STPG2: variants seen among roughly 807,000 people sequenced by gnomAD.
STPG2 encodes sperm-tail PG-rich repeat-containing protein 2.
A neutral mutation model predicts 54.2 loss-of-function variants in STPG2; 56 were observed. The ratio of observed to expected loss-of-function variants is 1.03; its 90% CI spans 0.83 to 1.29. The LOEUF is 1.29. STPG2 is among the 50% of genes most tolerant of loss of function. STPG2 has a pLI of 0.00. For missense variants in STPG2, 596 were observed against 544.9 expected, an observed-to-expected ratio of 1.09 and a Z score of -0.93; for synonymous variants, 200 against 181.8, an observed-to-expected ratio of 1.10 and a Z score of -0.81.
chr4:97,958,294 A>G (rs556140925), intron 7 of STPG2, among the ~76,000 whole-genome samples: 2 of 149,444 alleles, frequency 1.3e-5, no homozygotes, highest in Admixed American at 1.3e-4. Context: ...TGAGTGAGAG[A>G]GTGAGGATGT....
intron 9 of STPG2, among the ~76,000 whole-genome samples, chr4:97,840,251 T>C (rs1728755512): frequency 6.6e-6 from 1 of 151,580 alleles, no homozygotes; most frequent in Non-Finnish European, 1.5e-5. Context: ...CAGGGTAAAG[T>C]GCCTTTCTCC....
At chr4:97,763,599 G>A (rs181954527) in intron 9 of STPG2, among the ~76,000 whole-genome samples, 20 of 152,082 alleles carry the variant, frequency 1.3e-4, no homozygotes, top group Middle Eastern at 3.4e-3. Flanking sequence ...CCTATTGTCC[G>A]GGCATCATTA....
At chr4:97,443,836 C>CA (rs1160640455) in intron 4 of STPG2, among the ~76,000 whole-genome samples, 1 of 152,024 alleles carries the variant, frequency 6.6e-6, no homozygotes, top group South Asian at 2.1e-4. Context: ...GAGATATAAT[C>CA]AAAAAACAGA....
intron 6 of STPG2, among the ~76,000 whole-genome samples, chr4:97,975,002 A>G (rs771123697): frequency 4.6e-5 from 7 of 152,200 alleles, no homozygotes; most frequent in Non-Finnish European, 7.3e-5. Context: ...AACAATATAA[A>G]TGTTTCTCTA....
At chr4:97,927,730 T>G (rs1732390194) in intron 8 of STPG2, among the ~76,000 whole-genome samples, 3 of 152,142 alleles carry the variant, frequency 2.0e-5, no homozygotes, top group African/African-American at 7.2e-5. Context: ...TGCCTCAGTT[T>G]GAATTCTGGC....
chr4:98,131,146 A>AT (rs887899370), intron 2 of STPG2, among the ~76,000 whole-genome samples: 6 of 151,574 alleles, frequency 4.0e-5, no homozygotes, highest in Non-Finnish European at 8.8e-5. Flanking sequence ...TTTAACTACT[A>AT]TTTTTTCCCA....
At chr4:98,038,436 T>C (rs568052559) in intron 5 of STPG2, among the ~76,000 whole-genome samples, 1 of 152,126 alleles carries the variant, frequency 6.6e-6, no homozygotes, top group South Asian at 2.1e-4. Flanking sequence ...TTTCATTTAC[T>C]AGTACAATGT....
At chr4:98,045,918 C>A (rs1737110014) in intron 5 of STPG2, among the ~76,000 whole-genome samples, 1 of 66,574 alleles carries the variant, frequency 1.5e-5, no homozygotes, top group South Asian at 5.1e-4. Context: ...ATTTTTCAGC[C>A]ATTATTTCTT....
intron 8 of STPG2, among the ~76,000 whole-genome samples, chr4:97,928,841 C>T (rs1732432752): frequency 6.6e-6 from 1 of 151,824 alleles, no homozygotes; most frequent in South Asian, 2.1e-4. Flanking sequence ...ATTAAGTCTT[C>T]TTTTATTTGT....
At chr4:97,484,639 A>T (rs1272384919) in intron 4 of STPG2, among the ~76,000 whole-genome samples, 1 of 151,868 alleles carries the variant, frequency 6.6e-6, no homozygotes, top group Non-Finnish European at 1.5e-5. Context: ...CATCCAAAGA[A>T]GAATTGGTAC....
chr4:97,709,439 CTAAT>C (rs1173576717), intron 10 of STPG2, among the ~76,000 whole-genome samples: 3 of 151,378 alleles, frequency 2.0e-5, no homozygotes, highest in African/African-American at 7.2e-5. Flanking sequence ...AAATTAATCT[CTAAT>C]TGAGATTTTT....
At chr4:97,918,622 T>A (rs1279347654) in intron 8 of STPG2, among the ~76,000 whole-genome samples, 1 of 152,002 alleles carries the variant, frequency 6.6e-6, no homozygotes, top group African/African-American at 2.4e-5. Flanking sequence ...CACCATGGAA[T>A]ACTACTAAGC....
At chr4:97,459,521 G>A (rs1729609736) in intron 4 of STPG2, among the ~76,000 whole-genome samples, 1 of 144,888 alleles carries the variant, frequency 6.9e-6, no homozygotes, top group South Asian at 2.2e-4. Context: ...CTCACTACAA[G>A]CTCCGCCTCC....
chr4:97,789,842 C>G (rs1165912560), intron 9 of STPG2, among the ~76,000 whole-genome samples: 1 of 152,106 alleles, frequency 6.6e-6, no homozygotes, highest in South Asian at 2.1e-4. Context: ...CACTAAGATA[C>G]TGAACTTTGC....
At chr4:97,540,792 C>G (rs1731678930) in intron 4 of STPG2, among the ~76,000 whole-genome samples, 1 of 152,090 alleles carries the variant, frequency 6.6e-6, no homozygotes, top group Non-Finnish European at 1.5e-5. Flanking sequence ...GGCTTCATTC[C>G]TGGGATGGAA....
At chr4:97,565,082 A>T (rs1578392327) in intron 10 of STPG2, among the ~76,000 whole-genome samples, 1 of 152,268 alleles carries the variant, frequency 6.6e-6, no homozygotes, top group East Asian at 1.9e-4. Flanking sequence ...AATCAGACGT[A>T]GATTTGGTCT....
chr4:97,825,690 TG>T lies in STPG2; in HGVS notation c.1204+15082del, dbSNP rs751949939. Among the ~76,000 whole-genome samples the T allele has an allele frequency of 1.6e-4, 25 of 152,334 alleles. No homozygotes were observed. The Middle Eastern group carries it at 0.014, about 83-fold the overall frequency. On this transcript the variant is annotated intron_variant, in intron 9 of 10. Transcript: ENST00000295268. Reference sequence around the variant, plus strand: ...GGTAAATGAAAAATCTTACAACTACTGAATCTTTTGTCTGTCTGGGTATTTA... The same window carrying T: ...GGTAAATGAAAAATCTTACAACTACTAATCTTTTGTCTGTCTGGGTATTTA...
At chr4:97,685,690 T>C (rs1399074218) in intron 10 of STPG2, among the ~76,000 whole-genome samples, 1 of 152,112 alleles carries the variant, frequency 6.6e-6, no homozygotes, top group African/African-American at 2.4e-5. Flanking sequence ...TAATGTAAAT[T>C]ATGGAATTTA....
intron 10 of STPG2, among the ~76,000 whole-genome samples, chr4:97,674,805 A>G (rs1722790584): frequency 6.6e-6 from 1 of 152,150 alleles, no homozygotes; most frequent in Admixed American, 6.6e-5. Context: ...CTGAAATTAA[A>G]ATGTTGCATA....
Sources: gnomAD v4.1 joint callset for allele counts (sites outside exome capture counted in the v4.1 genomes callset) on GRCh38, gnomAD v4.1.1 for gene constraint, MANE v1.5 for transcripts, NCBI Gene and HGNC (gene_info 2026-07-23, HGNC 2026-07-21) for gene names.